The following NPIPB2 variants were observed in gnomAD, a reference collection of about 807,000 sequenced individuals.
NPIPB2 encodes nuclear pore complex-interacting protein family member B2.
In NPIPB2, 27 loss-of-function variants were observed where a neutral mutation model predicts 30.8. The observed-to-expected ratio is 0.88, with a 90% CI of 0.65 to 1.21. NPIPB2 has a LOEUF of 1.21. Among genes scored for constraint, NPIPB2 ranks in the 50% most tolerant of loss-of-function variants. The probability of loss-of-function intolerance (pLI) is 0.00; values close to 1 mark genes in which losing one functional copy is unlikely to be tolerated. For synonymous variants in NPIPB2, 147 were observed against 162.0 expected (o/e 0.91, Z 0.70); for missense variants, 440 against 446.2 (o/e 0.99, Z 0.13).
chr16:11,966,122 A>G, intron 1 of NPIPB2: 3 of 1,431,634 alleles, frequency 2.1e-6, no homozygotes, highest in Non-Finnish European at 2.8e-6. Flanking sequence ...AAATAAATAA[A>G]TAAATAATAA....
intron 1 of NPIPB2, chr16:11,968,623 C>G (rs2055215125): frequency 6.6e-6 from 1 of 152,158 alleles, no homozygotes; most frequent in African/African-American, 2.4e-5. Flanking sequence ...TGTTACAGCC[C>G]TAGTCTGGGC....
At chr16:11,953,025 G>A (rs1240134855) in intron 1 of NPIPB2, among the ~76,000 whole-genome samples, 1 of 152,168 alleles carries the variant, frequency 6.6e-6, no homozygotes, top group Admixed American at 6.6e-5. Flanking sequence ...GCACTAGAGT[G>A]CTCATGTTCT....
intron 4 of NPIPB2, among the ~76,000 whole-genome samples, chr16:11,933,059 G>C (rs1369738485): frequency 1.3e-5 from 2 of 151,278 alleles, no homozygotes; most frequent in African/African-American, 2.4e-5. Context: ...TCAGAAGTTC[G>C]AGACCAGCCT....
chr16:11,933,878 A>G (rs559616310), exon 3 of NPIPB2: 1 of 1,565,024 alleles, frequency 6.4e-7, no homozygotes, highest in South Asian at 1.1e-5. Context: ...ATCTGTGGAT[A>G]CATCATGTCC....
chr16:11,967,527 C>G lies in NPIPB2; in HGVS notation c.-584+9041G>C, dbSNP rs777905027. ...CTGCTAAGACTCTCATGACCACATT[C>G]TCTGTGAAGTTTGGGTTAATGTTTC... is the stretch of plus-strand genomic sequence containing the variant. On this transcript the variant is annotated intron_variant, in intron 1 of 5. Transcript: ENST00000538896. 2.5e-6 allele frequency: 4 copies of G among 1,583,206 alleles called. No homozygotes were observed. In the African/African-American group the frequency reaches 5.4e-5, roughly 21 times the overall value.
chr16:11,957,314 G>A (rs2055120169), intron 1 of NPIPB2, among the ~76,000 whole-genome samples: 1 of 152,000 alleles, frequency 6.6e-6, no homozygotes, highest in Admixed American at 6.6e-5. Flanking sequence ...ACAGGCGTGT[G>A]ACACCACGCC....
At chr16:11,950,752 T>C (rs774368868) in intron 1 of NPIPB2, among the ~76,000 whole-genome samples, 5 of 152,076 alleles carry the variant, frequency 3.3e-5, no homozygotes, top group African/African-American at 7.2e-5. Context: ...CATAAATATT[T>C]ACCAAGTAGA....
intron 1 of NPIPB2, among the ~76,000 whole-genome samples, chr16:11,949,657 C>A (rs2055045438): frequency 6.6e-6 from 1 of 152,230 alleles, no homozygotes; most frequent in South Asian, 2.1e-4. Flanking sequence ...CAAGCCCTGG[C>A]CAGTCTCCTC....
upstream of NPIPB2, among the ~76,000 whole-genome samples, chr16:11,944,232 C>T (rs1401151169): frequency 2.7e-5 from 4 of 148,526 alleles, no homozygotes; most frequent in Admixed American, 6.8e-5. Flanking sequence ...TGCACTATTG[C>T]GGTCTCGGCT....
intron 1 of NPIPB2, 45 bp downstream of exon 1, chr16:11,941,938 A>T (rs1338020650): frequency 7.8e-6 from 8 of 1,020,166 alleles, no homozygotes; most frequent in Non-Finnish European, 1.2e-5. Flanking sequence ...TGGCGACAAA[A>T]CATAAAAAAC....
chr16:11,930,327 G>A (rs928168533), intron 5 of NPIPB2, 123 bp downstream of exon 5: 13 of 918,342 alleles, frequency 1.4e-5, no homozygotes, highest in African/African-American at 3.6e-5. Context: ...TCTCTCTCAC[G>A]ATATGTCTTC....
chr16:11,941,729 C>T (rs1181686472), intron 1 of NPIPB2: 2 of 790,688 alleles, frequency 2.5e-6, no homozygotes, highest in African/African-American at 4.3e-5. Context: ...ATGGACGTGC[C>T]TCACAATGGA....
At chr16:11,947,489 C>A (rs948601404) in intron 1 of NPIPB2, among the ~76,000 whole-genome samples, 1 of 151,586 alleles carries the variant, frequency 6.6e-6, no homozygotes, top group Non-Finnish European at 1.5e-5. Context: ...GGACTACAGG[C>A]GCACGATGCC....
Position 11,965,257 on chromosome 16 carries a change from C to T in NPIPB2, c.-584+11311G>A, listed in dbSNP as rs543780169. ...CTCTTGCTGCATTTGCTCTGGAATTCTTGTAGAGATATTACTTGTCCTTCC... is the reference window on the plus strand; with the variant it reads ...CTCTTGCTGCATTTGCTCTGGAATTTTTGTAGAGATATTACTTGTCCTTCC... On this transcript the variant is annotated intron_variant, in intron 1 of 5. Transcript: ENST00000538896. 96 of 1,593,744 alleles carry T rather than the reference C, an allele frequency of 6.0e-5. 2 individuals carry two copies. The South Asian group carries it at 1.0e-3, about 17-fold the overall frequency.
chr16:11,950,152 C>G (rs1207541689), intron 1 of NPIPB2, among the ~76,000 whole-genome samples: 1 of 152,096 alleles, frequency 6.6e-6, no homozygotes, highest in African/African-American at 2.4e-5. Flanking sequence ...CCTGCCTCAG[C>G]CTACTGAGTA....
chr16:11,945,921 C>T (rs886140573), upstream of NPIPB2, among the ~76,000 whole-genome samples: 7 of 150,638 alleles, frequency 4.6e-5, no homozygotes, highest in South Asian at 2.1e-4. Context: ...TTCAAACATG[C>T]ATAGTTGGAT....
intron 4 of NPIPB2, among the ~76,000 whole-genome samples, chr16:11,933,267 AAG>A (rs1567464660): frequency 6.6e-6 from 1 of 152,050 alleles, no homozygotes; most frequent in Admixed American, 6.6e-5. Context: ...AAAAAAAAAA[AAG>A]AGACAGAGAA....
chr16:11,947,202 C>T (rs2055019531), intron 1 of NPIPB2, among the ~76,000 whole-genome samples: 1 of 147,728 alleles, frequency 6.8e-6, no homozygotes, highest in African/African-American at 2.4e-5. Flanking sequence ...TATCCTCCTG[C>T]CTCAGCCTCC....
chr16:11,965,223 T>C lies in NPIPB2; in HGVS notation c.-584+11345A>G, dbSNP rs920995281. 26 of 1,501,266 alleles carry C rather than the reference T, an allele frequency of 1.7e-5. No individual in the cohort carries two copies. The African/African-American group carries it at 3.5e-4, about 20-fold the overall frequency. The allele number at this position is 1,501,266 out of a possible 1,614,324, so 93.0% of individuals were successfully genotyped here. The stretch of plus-strand genomic sequence containing the variant: ...CAGGCGAAGTTCATTGTTCTCAACA[T>C]TCTAGCTGCTCTTGCTGCATTTGCT... On this transcript the variant is annotated intron_variant, in intron 1 of 5. Transcript: ENST00000538896.
Sources: allele counts gnomAD v4.1 joint callset (sites outside exome capture counted in the v4.1 genomes callset), GRCh38; gene constraint gnomAD v4.1.1; transcripts MANE v1.5; gene names NCBI Gene and HGNC (gene_info 2026-07-23, HGNC 2026-07-21).